The following OSBPL9 variants were observed in gnomAD, a reference collection of about 807,000 sequenced individuals.
OSBPL9 encodes the protein oxysterol binding protein like 9, also known as oxysterol-binding protein-related protein 9.
Under a neutral mutation model 106.6 loss-of-function variants are expected in OSBPL9, and 40 were observed. The observed-to-expected ratio is 0.38, with a 90% CI of 0.29 to 0.49. The LOEUF (loss-of-function observed/expected upper bound fraction) is 0.49, where lower values mean the gene tolerates loss of function less well. OSBPL9 is among the 20% of genes least tolerant of loss of function. The probability of loss-of-function intolerance (pLI) is 0.97; values close to 1 mark genes in which losing one functional copy is unlikely to be tolerated. For missense variants in OSBPL9, 609 were observed against 887.2 expected, an observed-to-expected ratio of 0.69 and a Z score of 3.98; for synonymous variants, 269 against 295.4, an observed-to-expected ratio of 0.91 and a Z score of 0.92.
intron 1 of OSBPL9, among the ~76,000 whole-genome samples, chr1:51,636,737 G>C (rs988917062): frequency 6.6e-6 from 1 of 152,020 alleles, no homozygotes; most frequent in Admixed American, 6.6e-5. Context: ...ATCACTTGAG[G>C]CCAGGAGTTC....
At chr1:51,750,858 G>A (rs1669080906) in intron 8 of OSBPL9, among the ~76,000 whole-genome samples, 1 of 152,112 alleles carries the variant, frequency 6.6e-6, no homozygotes, top group Admixed American at 6.5e-5. Flanking sequence ...GCAAGGGGTG[G>A]GTGACCAGCT....
rs181102248 is a variant in OSBPL9 at position 51,736,267 on chromosome 1, G to A, written c.319-9269G>A. Among the ~76,000 whole-genome samples the A allele has an allele frequency of 5.9e-5, 9 of 152,264 alleles. 1 individual carries two copies. The highest frequency in any genetic ancestry group is 6.8e-3 in the Middle Eastern group (2 of 294). ...GTATGCACTTTTTAACAACTTTAGC[G>A]AAAACCGAATCTGTTTTCTTCTGGT... On this transcript the variant is annotated intron_variant, in intron 4 of 23. Transcript: ENST00000428468.
At chr1:51,784,971 T>A in intron 20 of OSBPL9, 1 of 201,944 alleles carries the variant, frequency 5.0e-6, no homozygotes, top group Non-Finnish European at 1.0e-5. Flanking sequence ...CTATCCCTTT[T>A]TCTGTGCCTT....
At chr1:51,772,893 A>G (rs1674247818) in intron 14 of OSBPL9, among the ~76,000 whole-genome samples, 170 bp downstream of exon 14, 1 of 152,222 alleles carries the variant, frequency 6.6e-6, no homozygotes, top group African/African-American at 2.4e-5. Flanking sequence ...AAATGATGAA[A>G]TAAGTCAAGC....
rs758174157 is a variant in OSBPL9 at position 51,639,816 on chromosome 1, G to GTTTT, written c.112-12152_112-12149dup. ...CAGATTCGGGGAGGCATTCCTAGTT[G>GTTTT]TTTTTTTTTTTTTTTTTTTTTTTTT... On this transcript the variant is annotated intron_variant, in intron 1 of 23. Coordinates refer to ENST00000428468, the MANE Select transcript of OSBPL9 (RefSeq NM_024586.6). Among the ~76,000 whole-genome samples, 247 of 67,050 alleles carry GTTTT rather than the reference G, an allele frequency of 3.7e-3. 30 individuals carry two copies. The highest frequency in any genetic ancestry group is 5.4e-3 in the Non-Finnish European group (190 of 34,896). 44.0% of individuals were successfully genotyped at this position (67,050 alleles called of 152,430 possible). A position where few individuals can be genotyped will look rare whatever the true frequency, so the allele number is the denominator to read the frequency against.
intron 1 of OSBPL9, 99 bp downstream of exon 1, chr1:51,617,320 G>T (rs1036616848): frequency 4.0e-5 from 49 of 1,224,430 alleles, no homozygotes; most frequent in Admixed American, 1.3e-4. Context: ...GAGGTTGCTA[G>T]TCTGGGGGTG....
chr1:51,730,844 G>T (rs1397772851), intron 4 of OSBPL9, among the ~76,000 whole-genome samples: 1 of 152,112 alleles, frequency 6.6e-6, no homozygotes, highest in Non-Finnish European at 1.5e-5. Context: ...GTTTCTCAGT[G>T]GAGAAGCTGG....
intron 13 of OSBPL9, 49 bp downstream of exon 13, chr1:51,772,231 G>A: frequency 6.9e-7 from 1 of 1,455,816 alleles, no homozygotes; most frequent in Non-Finnish European, 9.5e-7. Context: ...AAATATTTGT[G>A]GCCAGATGTG....
At chr1:51,743,743 A>T (rs1212705285) in intron 4 of OSBPL9, among the ~76,000 whole-genome samples, 1 of 152,130 alleles carries the variant, frequency 6.6e-6, no homozygotes, top group Non-Finnish European at 1.5e-5. Context: ...AACAGTCCTG[A>T]TTTTTCTGTG....
chr1:51,738,173 A>C (rs926628289), intron 4 of OSBPL9, among the ~76,000 whole-genome samples: 2 of 152,064 alleles, frequency 1.3e-5, no homozygotes, highest in African/African-American at 4.8e-5. Context: ...TAGTTGTATA[A>C]GTAACCAAAT....
At chr1:51,613,354 T>G (rs1033227764), upstream of OSBPL9, among the ~76,000 whole-genome samples, 5 of 152,186 alleles carry the variant, frequency 3.3e-5, no homozygotes, top group African/African-American at 9.7e-5. Context: ...GTATAGTGTG[T>G]TTTGAGGAGG....
intron 11 of OSBPL9, among the ~76,000 whole-genome samples, chr1:51,762,364 T>C (rs952940920): frequency 1.3e-5 from 2 of 152,118 alleles, no homozygotes; most frequent in South Asian, 4.1e-4. Flanking sequence ...AGTCTCCCTA[T>C]GTTGCTCAGG....
chr1:51,589,380 C>T (rs1356656734), intron 1 of OSBPL9, among the ~76,000 whole-genome samples: 4 of 152,108 alleles, frequency 2.6e-5, no homozygotes, highest in East Asian at 1.9e-4. Flanking sequence ...TGAGCCACCA[C>T]GCCTGGCCTA....
intron 12 of OSBPL9, among the ~76,000 whole-genome samples, chr1:51,770,622 CT>C (rs987027603): frequency 6.6e-6 from 1 of 152,092 alleles, no homozygotes; most frequent in Non-Finnish European, 1.5e-5. Context: ...TTACCTGTAT[CT>C]TTTAGACATA....
the OSBPL9 span, among the ~76,000 whole-genome samples, chr1:51,523,976 G>C: frequency 2.0e-5 from 3 of 152,284 alleles, no homozygotes; most frequent in African/African-American, 7.2e-5. Flanking sequence ...CAAAGGGCCA[G>C]TTTATTTGCA....
At chr1:51,607,753 C>T (rs559784623) in intron 2 of OSBPL9, among the ~76,000 whole-genome samples, 1 of 152,336 alleles carries the variant, frequency 6.6e-6, no homozygotes, top group East Asian at 1.9e-4. Context: ...TCAATTCTCA[C>T]CTCCTTGGAG....
chr1:51,748,120 A>G, intron 6 of OSBPL9, among the ~76,000 whole-genome samples: 1 of 152,202 alleles, frequency 6.6e-6, no homozygotes, highest in Non-Finnish European at 1.5e-5. Context: ...TATTCTTACA[A>G]ACCTTAAATT....
At chr1:51,558,683 T>C in the OSBPL9 span, among the ~76,000 whole-genome samples, 1 of 152,116 alleles carries the variant, frequency 6.6e-6, no homozygotes, top group African/African-American at 2.4e-5. Context: ...AATCCTAGCC[T>C]CCAAATTTTC....
At chr1:51,589,017 G>A (rs1250384086) in intron 1 of OSBPL9, among the ~76,000 whole-genome samples, 1 of 152,160 alleles carries the variant, frequency 6.6e-6, no homozygotes, top group Non-Finnish European at 1.5e-5. Context: ...GGAACTTTTT[G>A]GGGTGATGGA....
Sources: gnomAD v4.1 joint callset for allele counts (sites outside exome capture counted in the v4.1 genomes callset) on GRCh38, gnomAD v4.1.1 for gene constraint, MANE v1.5 for transcripts, NCBI Gene and HGNC (gene_info 2026-07-23, HGNC 2026-07-21) for gene names.